CPN2: variants seen among roughly 807,000 people sequenced by gnomAD.
CPN2 encodes carboxypeptidase N subunit 2, also known as carboxypeptidase N 83 kDa chain.
For synonymous variants in CPN2, 336 were observed against 318.4 expected (o/e 1.06, Z -0.59); for missense variants, 620 against 671.4 (o/e 0.92, Z 0.85).
Position 194,340,991 on chromosome 3 carries a change from G to A in CPN2, c.*74C>T. ...GAAAAGCCAAGGCTTCGGAGACTCA[G>A]CTCCCCTCCGCCCCTACCTGTCGCC... On this transcript the variant is annotated 3_prime_UTR_variant, in exon 2 of 2. Coordinates refer to ENST00000323830, the MANE Select transcript of CPN2 (RefSeq NM_001080513.4). 1 of 1,470,562 alleles carries A rather than the reference G, an allele frequency of 6.8e-7. No homozygotes were observed. The highest frequency in any genetic ancestry group is 2.4e-5 in the East Asian group (1 of 41,604). 91.1% of individuals were successfully genotyped at this position (1,470,562 alleles called of 1,614,324 possible). A position where few individuals can be genotyped will look rare whatever the true frequency, so the allele number is the denominator to read the frequency against.
At chr3:194,350,519 A>G (rs1330185154) in intron 1 of CPN2, among the ~76,000 whole-genome samples, 3 of 152,196 alleles carry the variant, frequency 2.0e-5, no homozygotes, top group Non-Finnish European at 4.4e-5. Context: ...TCAGAGTTCA[A>G]ATTAGCACTC....
Position 194,342,088 on chromosome 3 carries a change from G to C in CPN2, c.615C>G (p.Leu205=), listed in dbSNP as rs1400494368. ...LQTLKLSNNA[L]SGLPQGVFGK... is the part of the protein sequence containing the mutation. ...CAAACACACCCTGGGGGAGACCAGA[G>C]AGCGCGTTGTTGCTCAGCTTCAGGG... The change falls in exon 2 of 2, where the codon CTC becomes CTG. Residue 205 remains leucine (L), a synonymous_variant. Coordinates refer to ENST00000323830, the MANE Select transcript of CPN2 (RefSeq NM_001080513.4). 6.2e-7 allele frequency: 1 copy of C among 1,614,196 alleles called. No individual in the cohort carries two copies. Among genetic ancestry groups the C allele is most frequent in the Non-Finnish European group, 8.5e-7 (1 of 1,180,030 alleles).
intron 1 of CPN2, among the ~76,000 whole-genome samples, chr3:194,350,960 G>C (rs2108652614): frequency 6.6e-6 from 1 of 152,220 alleles, no homozygotes; most frequent in Middle Eastern, 3.4e-3. Flanking sequence ...GGCCAACCTG[G>C]ACATCTGGTC....
chr3:194,350,295 T>C (rs1266584230), intron 1 of CPN2, among the ~76,000 whole-genome samples: 10 of 112,498 alleles, frequency 8.9e-5, no homozygotes. Context: ...CCCTGTGTGC[T>C]GAATTGAAGG....
chr3:194,351,082 T>C (rs1713250292), intron 1 of CPN2, among the ~76,000 whole-genome samples, 160 bp downstream of exon 1: 1 of 152,174 alleles, frequency 6.6e-6, no homozygotes, highest in South Asian at 2.1e-4. Flanking sequence ...GCGCCCTAGC[T>C]GAGCACCTCA....
chr3:194,345,036 GGAA>G (rs1342870224), intron 1 of CPN2, among the ~76,000 whole-genome samples: 2 of 152,170 alleles, frequency 1.3e-5, no homozygotes, highest in Non-Finnish European at 2.9e-5. Context: ...CCTGACCCTA[GGAA>G]GAAGGACCTG....
chr3:194,342,513 A>C lies in CPN2; in HGVS notation c.190T>G (p.Leu64Val). ...TTACTGCCAAAAGCTCTGGTTTCCA[A>C]TGTGGTGAACGAGGTCTCCACAAAG... is the stretch of plus-strand genomic sequence containing the variant. ...IIFVETSFTT[L>V]ETRAFGSNPN... The change falls in exon 2 of 2, where the codon TTG becomes GTG. Residue 64 changes from leucine (L) to valine (V), a missense_variant. Leu to Val is a conservative substitution (Grantham distance 32). Transcript: ENST00000323830. 1 of 1,614,180 alleles carries C rather than the reference A, an allele frequency of 6.2e-7. No homozygotes were observed. Among genetic ancestry groups the C allele is most frequent in the South Asian group, 1.1e-5 (1 of 91,080 alleles).
Position 194,341,263 on chromosome 3 carries a change from C to T in CPN2, c.1440G>A (p.Gln480=). The change falls in exon 2 of 2, where the codon CAG becomes CAA. Residue 480 remains glutamine (Q), a synonymous_variant. Transcript: ENST00000323830. ...TGCCCTCGGGGTTGCTGTAGGTGCA[C>T]TGGCTCCGGGCTGCCCTTTCCTGCA... is the stretch of plus-strand genomic sequence containing the variant. ...LAVQERAARS[Q]CTYSNPEGTV... is the part of the protein sequence containing the mutation. 6.2e-7 allele frequency: 1 copy of T among 1,613,446 alleles called. No individual in the cohort carries two copies. Among genetic ancestry groups the T allele is most frequent in the Non-Finnish European group, 8.5e-7 (1 of 1,179,906 alleles).
intron 1 of CPN2, among the ~76,000 whole-genome samples, chr3:194,350,955 A>T (rs189116597): frequency 1.3e-5 from 2 of 152,310 alleles, no homozygotes; most frequent in African/African-American, 4.8e-5. Flanking sequence ...AACCAGGCCA[A>T]CCTGGACATC....
Position 194,341,379 on chromosome 3 carries a change from G to A in CPN2, c.1324C>T (p.Gln442Ter). Residue 442 changes from glutamine (Q) to a stop codon, truncating the protein, a stop_gained, in exon 2 of 2, where the codon CAG (glutamine) becomes TAG (stop). Transcript: ENST00000323830. LOFTEE classifies it low-confidence loss of function (END_TRUNC). ...GQVVPALNEK[Q>*]LVCPVTRDHL... ...TCCCGGGTGACGGGACACACCAGCT[G>A]CTTCTCATTCAAGGCGGGCACCACC... 6.2e-7 allele frequency: 1 copy of A among 1,614,126 alleles called. No homozygotes were observed. The highest frequency in any genetic ancestry group is 1.1e-5 in the South Asian group (1 of 91,082).
In CPN2 at chr3:194,341,837, G is replaced by A. The variant is rs955625948; in HGVS notation, c.866C>T (p.Pro289Leu). ...VLPAGLFAHT[P>L]CLVGLSLTHN... Reference sequence around the variant, plus strand: ...GGTCAGAGACAGGCCAACCAGGCACGGGGTGTGGGCAAAGAGGCCGGCAGG... The same window carrying A: ...GGTCAGAGACAGGCCAACCAGGCACAGGGTGTGGGCAAAGAGGCCGGCAGG... Residue 289 changes from proline to leucine, a missense_variant, in exon 2 of 2, where the codon CCG becomes CTG. Physicochemically the swap from Pro to Leu is moderately conservative, Grantham distance 98. Transcript: ENST00000323830. 40 of 1,613,932 alleles carry A rather than the reference G, an allele frequency of 2.5e-5. No homozygotes were observed. The highest frequency in any genetic ancestry group is 1.7e-4 in the Middle Eastern group (1 of 6,060).
At position 194,340,743 on chromosome 3, in the gene CPN2, G is replaced by T; in HGVS notation, c.*322C>A. On this transcript the variant is annotated 3_prime_UTR_variant, in exon 2 of 2. Transcript: ENST00000323830. ...AATAGACCTCAGGGTGTAGGTGAGA[G>T]CGGTTGGGTGTTACATAATGGGGAG... is the stretch of plus-strand genomic sequence containing the variant. The T allele has an allele frequency of 6.6e-6, 2 of 305,304 alleles. No homozygotes were observed. The highest frequency in any genetic ancestry group is 8.5e-5 in the South Asian group (1 of 11,706). The allele number at this position is 305,304 out of a possible 1,614,324, so 18.9% of individuals were successfully genotyped here.
chr3:194,340,920 G>A lies in CPN2; in HGVS notation c.*145C>T, dbSNP rs1159003091. The A allele has an allele frequency of 7.8e-7, 1 of 1,289,502 alleles. No homozygotes were observed. The highest frequency in any genetic ancestry group is 1.0e-6 in the Non-Finnish European group (1 of 968,708). The allele number at this position is 1,289,502 out of a possible 1,614,324, so 79.9% of individuals were successfully genotyped here. On this transcript the variant is annotated 3_prime_UTR_variant, in exon 2 of 2. Transcript: ENST00000323830. ...AGACCCTGGTTAGTGGAGCAGACCA[G>A]ACTCCACCCCCTCACCTTGGGGATG...
At chr3:194,345,110 A>C (rs1213336178) in intron 1 of CPN2, among the ~76,000 whole-genome samples, 1 of 152,214 alleles carries the variant, frequency 6.6e-6, no homozygotes, top group Non-Finnish European at 1.5e-5. Context: ...TTTTCATGGC[A>C]GTCTTTTCTG....
chr3:194,350,490 T>TTAA (rs1222914484), intron 1 of CPN2, among the ~76,000 whole-genome samples: 1 of 152,194 alleles, frequency 6.6e-6, no homozygotes, highest in East Asian at 1.9e-4. Flanking sequence ...TTTTCCAGAC[T>TTAA]TAATTATCAC....
Position 194,341,949 on chromosome 3 carries a change from C to A in CPN2, c.754G>T (p.Ala252Ser). ...ATGGAGAGCGGCAGGTGCGTGATGG[C>A]GTTGCGTTGCAGCCACAGCCTCTCT... The part of the protein sequence containing the change: ...CLERLWLQRN[A>S]ITHLPLSIFA... Residue 252 changes from alanine (A) to serine (S), a missense_variant, in exon 2 of 2, where the codon GCC (alanine) becomes TCC (serine). Ala to Ser is a moderately conservative substitution (Grantham distance 99, BLOSUM62 1). Transcript: ENST00000323830. The A allele has an allele frequency of 6.2e-7, 1 of 1,613,902 alleles. No individual in the cohort carries two copies. Among genetic ancestry groups the A allele is most frequent in the Non-Finnish European group, 8.5e-7 (1 of 1,180,024 alleles).
chr3:194,351,123 C>G (rs891529692), intron 1 of CPN2, 119 bp downstream of exon 1: 2 of 152,302 alleles, frequency 1.3e-5, no homozygotes, highest in African/African-American at 2.4e-5. Flanking sequence ...AGGGGCCCCC[C>G]AGAACCGCAG....
Position 194,342,194 on chromosome 3 carries a change from T to C in CPN2, c.509A>G (p.His170Arg). Residue 170 changes from histidine to arginine, a missense_variant, in exon 2 of 2, where the codon CAT becomes CGT. Transcript: ENST00000323830. ...CTGGGCCAGGTTGAGTGTCTTCAGA[T>C]GGGTCAGAGGCTGGAAGAGCCTCCT... Reference protein sequence around the residue: ...LPRRLFQPLTHLKTLNLAQNL... With the variant: ...LPRRLFQPLTRLKTLNLAQNL... 6.2e-7 allele frequency: 1 copy of C among 1,613,980 alleles called. No homozygotes were observed. The highest frequency in any genetic ancestry group is 8.5e-7 in the Non-Finnish European group (1 of 1,179,952).
intron 1 of CPN2, among the ~76,000 whole-genome samples, chr3:194,350,723 G>T (rs1455842504): frequency 6.6e-6 from 1 of 152,110 alleles, no homozygotes; most frequent in Non-Finnish European, 1.5e-5. Flanking sequence ...GGGTGCTGTG[G>T]CATGCGCTTG....
Sources: allele counts gnomAD v4.1 joint callset (sites outside exome capture counted in the v4.1 genomes callset), GRCh38; gene constraint gnomAD v4.1.1; transcripts MANE v1.5; gene names NCBI Gene and HGNC (gene_info 2026-07-23, HGNC 2026-07-21).